TJP1: variants seen among roughly 807,000 people sequenced by gnomAD.
TJP1 encodes the protein tight junction protein ZO-1.
Under a neutral mutation model 194.2 loss-of-function variants are expected in TJP1, and 43 were observed. The ratio of observed to expected loss-of-function variants is 0.22; its 90% CI spans 0.17 to 0.29. The LOEUF (loss-of-function observed/expected upper bound fraction) is 0.29. Among genes scored for constraint, TJP1 ranks in the 10% least tolerant of loss-of-function variants. The pLI is 1.00. For missense variants in TJP1, 1,971 were observed against 2,185.7 expected (o/e 0.90, Z 1.96); for synonymous variants, 801 against 779.0 (o/e 1.03, Z -0.47).
At chr15:29,880,573 T>C (rs1355186080) in intron 2 of TJP1, among the ~76,000 whole-genome samples, 1 of 152,224 alleles carries the variant, frequency 6.6e-6, no homozygotes, top group Non-Finnish European at 1.5e-5. Flanking sequence ...GAAACTTTCA[T>C]ACCCACTGAA....
intron 13 of TJP1, 106 bp from the exon 14 acceptor site, chr15:29,732,921 G>A (rs918229166): frequency 9.4e-6 from 12 of 1,279,094 alleles, no homozygotes; most frequent in South Asian, 1.5e-5. Context: ...TTCACATACA[G>A]TTTAAATCTT....
intron 10 of TJP1, among the ~76,000 whole-genome samples, chr15:29,740,465 T>C (rs950779861): frequency 6.6e-6 from 1 of 151,948 alleles, no homozygotes; most frequent in Non-Finnish European, 1.5e-5. Flanking sequence ...ACCCCGTCTC[T>C]ACTAAAAATA....
intron 2 of TJP1, among the ~76,000 whole-genome samples, chr15:29,949,355 T>A (rs374435139): frequency 0.036 from 2,535 of 70,224 alleles, 3 homozygotes; most frequent in East Asian, 0.18. Context: ...CACCACCACC[T>A]CCACCACAAC....
At chr15:29,800,546 T>C (rs2048713711) in intron 2 of TJP1, 100 bp downstream of exon 2, 1 of 1,142,150 alleles carries the variant, frequency 8.8e-7, no homozygotes, top group African/African-American at 1.6e-5. Context: ...AAAAGTTTCC[T>C]CCTCCCTCTG....
intron 2 of TJP1, among the ~76,000 whole-genome samples, chr15:29,838,992 C>CTTTTTTTTTTTTTTT (rs760557407): frequency 1.2e-5 from 1 of 83,444 alleles, no homozygotes; most frequent in Non-Finnish European, 2.1e-5. Flanking sequence ...AAAAATTCAC[C>CTTTTTTTTTTTTTTT]TTTTTTTTTT....
intron 18 of TJP1, among the ~76,000 whole-genome samples, chr15:29,722,651 G>C (rs113892453): frequency 2.4e-4 from 36 of 152,338 alleles, no homozygotes; most frequent in African/African-American, 7.2e-4. Context: ...GCACTGCCTA[G>C]TGGAGCTGTG....
chr15:29,710,766 G>GA, intron 24 of TJP1, 65 bp downstream of exon 24: 1 of 1,602,032 alleles, frequency 6.2e-7, no homozygotes, highest in Non-Finnish European at 8.5e-7. Context: ...ATTTTGCCTA[G>GA]AAACCACCAG....
At chr15:29,818,723 G>C (rs190510539) in intron 1 of TJP1, among the ~76,000 whole-genome samples, 1 of 138,130 alleles carries the variant, frequency 7.2e-6, no homozygotes, top group Non-Finnish European at 1.5e-5. Context: ...TCACCATGTT[G>C]GTCAGGCTGG....
At chr15:29,763,566 G>A (rs1399101233) in intron 5 of TJP1, among the ~76,000 whole-genome samples, 2 of 151,908 alleles carry the variant, frequency 1.3e-5, no homozygotes, top group Admixed American at 1.3e-4. Context: ...TCAGGAGTTC[G>A]AGACCAGCCT....
At chr15:29,790,717 T>A (rs2048017420) in intron 2 of TJP1, among the ~76,000 whole-genome samples, 1 of 151,526 alleles carries the variant, frequency 6.6e-6, no homozygotes, top group Admixed American at 6.6e-5. Context: ...CTGGTAACCA[T>A]CATTCTACTC....
chr15:29,719,942 A>G lies in TJP1; in HGVS notation c.2838T>C (p.Asn946=), dbSNP rs2042826499. The G allele has an allele frequency of 3.7e-6, 6 of 1,614,176 alleles. No individual in the cohort carries two copies. The highest frequency in any genetic ancestry group is 4.5e-5 in the East Asian group (2 of 44,866). The part of the protein sequence containing the change: ...TNPASSTSAV[N]HNVNLTNVRL... ...TGACATTAGTTAAATTTACATTATG[A>G]TTAACAGCAGAGGTTGATGATGCTG... The change falls in exon 20 of 28, where the codon AAT becomes AAC. Residue 946 remains asparagine (N), a synonymous_variant. Transcript: ENST00000614355.
chr15:29,831,125 C>T (rs567263299), intron 2 of TJP1, among the ~76,000 whole-genome samples: 6 of 152,270 alleles, frequency 3.9e-5, no homozygotes, highest in South Asian at 2.1e-4. Context: ...GAACCAAGTC[C>T]GTACTCTGTA....
rs762063295 is a variant in TJP1 at position 29,727,015 on chromosome 15, T to A, written c.2101-24A>T. The A allele has an allele frequency of 3.1e-6, 5 of 1,596,032 alleles. No individual in the cohort carries two copies. The African/African-American group carries it at 5.4e-5, about 17-fold the overall frequency. ...TCCTAGAAACAGAAAGAAAAATATATACAAAGACACAAGACATCATTAATT... is the reference window on the plus strand; with the variant it reads ...TCCTAGAAACAGAAAGAAAAATATAAACAAAGACACAAGACATCATTAATT... On this transcript the variant is annotated intron_variant, in intron 16 of 27. Coordinates refer to ENST00000614355, the MANE Select transcript of TJP1 (RefSeq NM_001330239.4).
At chr15:29,792,748 G>GT (rs1237284206) in intron 2 of TJP1, among the ~76,000 whole-genome samples, 1 of 152,168 alleles carries the variant, frequency 6.6e-6, no homozygotes, top group African/African-American at 2.4e-5. Flanking sequence ...TGACCATGGA[G>GT]TATCTTTCCA....
intron 8 of TJP1, among the ~76,000 whole-genome samples, chr15:29,754,239 G>A (rs996158284): frequency 6.6e-6 from 1 of 152,210 alleles, no homozygotes; most frequent in African/African-American, 2.4e-5. Context: ...AGTGGAGCTG[G>A]AGGCCATTAC....
intron 3 of TJP1, 103 bp from the exon 4 acceptor site, chr15:29,772,269 G>A (rs2046739283): frequency 3.2e-6 from 2 of 634,100 alleles, no homozygotes; most frequent in African/African-American, 1.9e-5. Flanking sequence ...ATCTAATTAT[G>A]AGCCAATTAA....
intron 27 of TJP1, among the ~76,000 whole-genome samples, chr15:29,702,800 AATATGCTCTTGCT>A (rs1405790690): frequency 3.3e-5 from 5 of 152,216 alleles, no homozygotes; most frequent in African/African-American, 7.2e-5. Context: ...ATAACATTAA[AATATGCTCTTGCT>A]ATAATCTTTA....
Position 29,822,429 on chromosome 15 carries a change from C to G in TJP1, c.-401G>C. Reference sequence around the variant, plus strand: ...AACCGGCGGCCGCCAAGGAACGCGGCGTCCGCTGGCTCAGCCGGCGCCGGC... The same window carrying G: ...AACCGGCGGCCGCCAAGGAACGCGGGGTCCGCTGGCTCAGCCGGCGCCGGC... On this transcript the variant is annotated 5_prime_UTR_variant, in exon 1 of 28. Coordinates refer to ENST00000614355, the MANE Select transcript of TJP1 (RefSeq NM_001330239.4). 3 of 989,524 alleles carry G rather than the reference C, an allele frequency of 3.0e-6. No homozygotes were observed. The highest frequency in any genetic ancestry group is 3.6e-6 in the Non-Finnish European group (3 of 832,774). The allele number at this position is 989,524 out of a possible 1,614,324, so 61.3% of individuals were successfully genotyped here. A position where few individuals can be genotyped will look rare whatever the true frequency, so the allele number is the denominator to read the frequency against.
intron 8 of TJP1, among the ~76,000 whole-genome samples, chr15:29,754,295 C>G (rs1036611704): frequency 1.9e-4 from 29 of 152,180 alleles, no homozygotes; most frequent in Admixed American, 1.4e-3. Context: ...ACTGCATGTT[C>G]TCACTTGTAA....
Sources: gnomAD v4.1 joint callset for allele counts (sites outside exome capture counted in the v4.1 genomes callset) on GRCh38, gnomAD v4.1.1 for gene constraint, MANE v1.5 for transcripts, NCBI Gene and HGNC (gene_info 2026-07-23, HGNC 2026-07-21) for gene names.